Variants in GNB1L observed in about 807,000 individuals in gnomAD.
GNB1L encodes guanine nucleotide-binding protein subunit beta-like protein 1.
Under a neutral mutation model 29.1 loss-of-function variants are expected in GNB1L, and 20 were observed. The ratio of observed to expected loss-of-function variants is 0.69; its 90% CI spans 0.48 to 1.00. The LOEUF (loss-of-function observed/expected upper bound fraction) is 1.00, where lower values mean the gene tolerates loss of function less well. Ranked by LOEUF, GNB1L falls within the 50% of genes least tolerant of loss-of-function variation. The pLI is 0.00. For missense variants in GNB1L, 421 were observed against 464.9 expected, an observed-to-expected ratio of 0.91 and a Z score of 0.87; for synonymous variants, 193 against 206.5, an observed-to-expected ratio of 0.93 and a Z score of 0.56.
intron 6 of GNB1L, among the ~76,000 whole-genome samples, chr22:19,804,641 G>T (rs1486711278): frequency 1.3e-5 from 2 of 151,522 alleles, no homozygotes; most frequent in Non-Finnish European, 2.9e-5. Flanking sequence ...AGCAAGTCAG[G>T]CCACTGTGCC....
chr22:19,835,674 G>A lies in GNB1L; in HGVS notation c.-20-14299C>T, dbSNP rs545587948. Among the ~76,000 whole-genome samples the A allele has an allele frequency of 7.3e-5, 11 of 150,358 alleles. No individual in the cohort carries two copies. The East Asian group carries it at 2.1e-3, about 29-fold the overall frequency. On this transcript the variant is annotated intron_variant, in intron 2 of 7. Coordinates refer to ENST00000329517, the MANE Select transcript of GNB1L (RefSeq NM_053004.3). ...GGGCGACAGAGCGAGACTCTGTCTC[G>A]ATAAAAAAAAAAATGTAAAAAAACA...
intron 5 of GNB1L, among the ~76,000 whole-genome samples, chr22:19,807,037 C>T (rs1937444883): frequency 6.6e-6 from 1 of 152,352 alleles, no homozygotes. Flanking sequence ...ACAGAGCCCA[C>T]CGATTCTCTC....
At chr22:19,792,220 T>C in intron 7 of GNB1L, 1 of 606,308 alleles carries the variant, frequency 1.6e-6, no homozygotes, top group Non-Finnish European at 2.9e-6. Flanking sequence ...ATGTTGAACA[T>C]ATCAGATAAA....
intron 4 of GNB1L, among the ~76,000 whole-genome samples, chr22:19,813,999 A>C (rs907934281): frequency 6.6e-6 from 1 of 152,200 alleles, no homozygotes; most frequent in African/African-American, 2.4e-5. Context: ...AAATAAAAAT[A>C]AAAAAGGATC....
chr22:19,823,604 TC>T (rs1402119284), intron 2 of GNB1L, among the ~76,000 whole-genome samples: 1 of 152,080 alleles, frequency 6.6e-6, no homozygotes, highest in East Asian at 1.9e-4. Context: ...GGAGGGTCCC[TC>T]CCATGACTCC....
At chr22:19,806,930 A>G (rs1295054705) in intron 5 of GNB1L, among the ~76,000 whole-genome samples, 173 bp from the exon 6 acceptor site, 2 of 152,080 alleles carry the variant, frequency 1.3e-5, no homozygotes, top group Admixed American at 1.3e-4. Flanking sequence ...CCCTTGCAAA[A>G]CGCTCTCACT....
intron 2 of GNB1L, among the ~76,000 whole-genome samples, chr22:19,845,713 C>T (rs765800552): frequency 5.3e-5 from 8 of 152,178 alleles, no homozygotes; most frequent in Non-Finnish European, 1.0e-4. Context: ...AAGGGAGCAA[C>T]GGGCCCTGCT....
intron 2 of GNB1L, among the ~76,000 whole-genome samples, chr22:19,853,912 C>T (rs949326732): frequency 9.9e-5 from 15 of 152,206 alleles, no homozygotes; most frequent in African/African-American, 3.6e-4. Flanking sequence ...CCACAATGAC[C>T]ACACCCCATG....
chr22:19,849,112 T>C, intron 2 of GNB1L: 1 of 985,390 alleles, frequency 1.0e-6, no homozygotes, highest in Non-Finnish European at 1.2e-6. Flanking sequence ...TCCAGGGACT[T>C]CTCACATCTG....
chr22:19,849,074 C>G (rs1464092385), intron 2 of GNB1L: 10 of 985,346 alleles, frequency 1.0e-5, no homozygotes, highest in Non-Finnish European at 1.2e-5. Flanking sequence ...TGTGACCTGG[C>G]ACAGAAGCAT....
At chr22:19,800,926 C>T (rs563890798) in intron 7 of GNB1L, among the ~76,000 whole-genome samples, 2 of 152,332 alleles carry the variant, frequency 1.3e-5, no homozygotes, top group African/African-American at 4.8e-5. Context: ...TGAACCCTCC[C>T]CGCCCCACAG....
intron 5 of GNB1L, 120 bp downstream of exon 5, chr22:19,812,165 T>TGCCGGCAGCTTCAGCA: frequency 9.5e-7 from 1 of 1,058,032 alleles, no homozygotes; most frequent in Non-Finnish European, 1.3e-6. Context: ...CTGCTGAAGC[T>TGCCGGCAGCTTCAGCA]GCCGGCAGGT....
chr22:19,819,921 C>T (rs1166858012), intron 4 of GNB1L, among the ~76,000 whole-genome samples: 1 of 152,156 alleles, frequency 6.6e-6, no homozygotes, highest in Non-Finnish European at 1.5e-5. Context: ...AAGCCCTGCG[C>T]CCCGCCCCTG....
At chr22:19,830,969 G>A (rs528430124) in intron 2 of GNB1L, among the ~76,000 whole-genome samples, 1 of 152,288 alleles carries the variant, frequency 6.6e-6, no homozygotes, top group African/African-American at 2.4e-5. Flanking sequence ...ATCTTACAGT[G>A]AAATACACGA....
chr22:19,839,292 C>T (rs1264440435), intron 2 of GNB1L, among the ~76,000 whole-genome samples: 1 of 152,060 alleles, frequency 6.6e-6, no homozygotes, highest in African/African-American at 2.4e-5. Context: ...ACAGTAGTTC[C>T]ACCTTATCTA....
chr22:19,802,243 T>C (rs762384270), intron 6 of GNB1L, 27 bp from the exon 7 acceptor site: 1 of 1,581,976 alleles, frequency 6.3e-7, no homozygotes, highest in Admixed American at 1.7e-5. Context: ...AGCAGTCAGC[T>C]CCTGGAAGGA....
intron 2 of GNB1L, among the ~76,000 whole-genome samples, chr22:19,831,665 T>G (rs1256371523): frequency 6.6e-6 from 1 of 150,852 alleles, no homozygotes. Flanking sequence ...CACTCCAGCC[T>G]GGGCGACAGA....
Position 19,820,560 on chromosome 22 carries a change from C to T in GNB1L, c.254+38G>A, listed in dbSNP as rs765354937. The T allele has an allele frequency of 3.6e-5, 58 of 1,592,028 alleles. 1 individual carries two copies. In the South Asian group the frequency reaches 4.2e-4, roughly 12 times the overall value. On this transcript the variant is annotated intron_variant, in intron 4 of 7. Transcript: ENST00000329517. ...TCCATCAGAGAGTTCCTGACTCCCC[C>T]GAAGGCCATACCTGGCTCCTGCACC...
intron 6 of GNB1L, among the ~76,000 whole-genome samples, chr22:19,805,197 C>T (rs921352710): frequency 2.0e-5 from 3 of 152,242 alleles, no homozygotes; most frequent in African/African-American, 7.2e-5. Context: ...ACTACAGGAT[C>T]AGTCCACGGG....
Sources: allele counts gnomAD v4.1 joint callset (sites outside exome capture counted in the v4.1 genomes callset), GRCh38; gene constraint gnomAD v4.1.1; transcripts MANE v1.5; gene names NCBI Gene and HGNC (gene_info 2026-07-23, HGNC 2026-07-21).